Variants in ARMC9 observed in about 807,000 individuals in gnomAD.
The protein encoded by ARMC9 is armadillo repeat containing 9, also known as lisH domain-containing protein ARMC9.
ARMC9 carries 94 observed loss-of-function variants against 107.0 expected under a neutral mutation model. The ratio of observed to expected loss-of-function variants is 0.88; its 90% CI spans 0.74 to 1.04. The LOEUF (loss-of-function observed/expected upper bound fraction) is 1.04. Among genes scored for constraint, ARMC9 ranks in the 50% least tolerant of loss-of-function variants. The pLI is 0.00. For synonymous variants in ARMC9, 380 were observed against 396.9 expected (o/e 0.96, Z 0.51); for missense variants, 942 against 1,030.1 (o/e 0.91, Z 1.17).
intron 19 of ARMC9, among the ~76,000 whole-genome samples, chr2:231,307,470 C>G (rs142064797): frequency 7.0e-4 from 106 of 152,272 alleles, no homozygotes; most frequent in Non-Finnish European, 1.4e-3. Context: ...TTTTAATATT[C>G]CTAAGAGCTG....
In ARMC9 at chr2:231,271,104, G is replaced by A; in HGVS notation, c.1210+32G>A. The A allele has an allele frequency of 1.9e-6, 3 of 1,603,084 alleles. No individual in the cohort carries two copies. In the South Asian group the frequency reaches 3.3e-5, roughly 18 times the overall value. On this transcript the variant is annotated intron_variant, in intron 13 of 24. Transcript: ENST00000611582. ...CATCAGCTTTGCTTCAAAGATAAGAGCTAGGTCATATTGATGTGCTTTTTC... is the reference window on the plus strand; with the variant it reads ...CATCAGCTTTGCTTCAAAGATAAGAACTAGGTCATATTGATGTGCTTTTTC...
intron 8 of ARMC9, among the ~76,000 whole-genome samples, chr2:231,236,770 C>A (rs1412625810): frequency 1.3e-5 from 2 of 152,070 alleles, no homozygotes; most frequent in African/African-American, 4.8e-5. Context: ...ATGGCGAAAC[C>A]CCGTCTCTAC....
chr2:231,342,215 A>C (rs1486247170), intron 20 of ARMC9, among the ~76,000 whole-genome samples: 1 of 152,198 alleles, frequency 6.6e-6, no homozygotes, highest in Admixed American at 6.5e-5. Flanking sequence ...AAGCCGCTCC[A>C]CTGAGGGCCT....
chr2:231,304,767 G>C (rs2041953118), intron 19 of ARMC9, among the ~76,000 whole-genome samples: 1 of 152,142 alleles, frequency 6.6e-6, no homozygotes, highest in Admixed American at 6.5e-5. Context: ...CATCAGAAAA[G>C]CCTTTAGGTA....
intron 3 of ARMC9, among the ~76,000 whole-genome samples, chr2:231,209,986 A>G (rs2032589212): frequency 6.6e-6 from 1 of 152,210 alleles, no homozygotes; most frequent in East Asian, 1.9e-4. Context: ...ACCTGGCCTT[A>G]TTATTTTAAC....
At chr2:231,267,069 T>C (rs1226307858) in intron 12 of ARMC9, among the ~76,000 whole-genome samples, 1 of 152,232 alleles carries the variant, frequency 6.6e-6, no homozygotes, top group Non-Finnish European at 1.5e-5. Context: ...GAAGATGGCA[T>C]AAACCAAAGT....
Position 231,276,714 on chromosome 2 carries a change from G to C in ARMC9, c.1413G>C (p.Leu471=). 1 of 1,614,150 alleles carries C rather than the reference G, an allele frequency of 6.2e-7. No homozygotes were observed. Among genetic ancestry groups the C allele is most frequent in the Non-Finnish European group, 8.5e-7 (1 of 1,180,034 alleles). The change falls in exon 15 of 25, where the codon CTG becomes CTC. Residue 471 remains leucine, a synonymous_variant. Transcript: ENST00000611582. ...LVDVLKDPDC[L]SDYTLEYSVA... is the part of the protein sequence containing the mutation. ...ATGTTCTGAAGGACCCTGACTGCCTGTCTGACTACACGCTGGAGTACTCGG... is the reference window on the plus strand; with the variant it reads ...ATGTTCTGAAGGACCCTGACTGCCTCTCTGACTACACGCTGGAGTACTCGG...
intron 19 of ARMC9, among the ~76,000 whole-genome samples, chr2:231,305,566 C>A (rs1375540234): frequency 6.6e-6 from 1 of 152,232 alleles, no homozygotes; most frequent in Non-Finnish European, 1.5e-5. Context: ...GCTATTGTTT[C>A]ATTGGAAAGT....
At chr2:231,258,344 G>A (rs537729999) in intron 10 of ARMC9, among the ~76,000 whole-genome samples, 2 of 152,108 alleles carry the variant, frequency 1.3e-5, no homozygotes, top group South Asian at 2.1e-4. Flanking sequence ...ACTATGCCCG[G>A]CTAATTTTGT....
intron 9 of ARMC9, among the ~76,000 whole-genome samples, chr2:231,243,246 CAAAAAAA>C (rs993079189): frequency 1.8e-5 from 2 of 109,106 alleles, no homozygotes; most frequent in Non-Finnish European, 4.0e-5. Flanking sequence ...GACTCCGTCT[CAAAAAAA>C]AAAAAAAAAA....
chr2:231,295,940 T>G (rs1048293897), intron 18 of ARMC9: 4 of 326,168 alleles, frequency 1.2e-5, no homozygotes, highest in Non-Finnish European at 2.2e-5. Flanking sequence ...CCCCTAAAAT[T>G]ATATGCTGGC....
At position 231,358,426 on chromosome 2, in the gene ARMC9, C is replaced by T. The variant is rs2045429134; in HGVS notation, c.2132-2328C>T. Among the ~76,000 whole-genome samples the T allele has an allele frequency of 6.6e-6, 1 of 151,978 alleles. No individual in the cohort carries two copies. The highest frequency in any genetic ancestry group is 2.1e-4 in the South Asian group (1 of 4,820). On this transcript the variant is annotated intron_variant, in intron 22 of 24. Coordinates refer to ENST00000611582, the MANE Select transcript of ARMC9 (RefSeq NM_001352754.2). The surrounding 1 kb of genome is among the most constrained non-coding windows in gnomAD (Gnocchi z 4.5). ...TGTGCTGCCCAGGCTGGTCTTGAAC[C>T]CTTGGGCTCAAGCGATCCTCCCGCC...
Position 231,373,709 on chromosome 2 carries a change from C to T in ARMC9, c.*2174C>T, listed in dbSNP as rs1423204595. On this transcript the variant is annotated 3_prime_UTR_variant, in exon 25 of 25. Coordinates refer to ENST00000611582, the MANE Select transcript of ARMC9 (RefSeq NM_001352754.2). The surrounding 1 kb of genome is among the most constrained non-coding windows in gnomAD (Gnocchi z 4.4). Reference sequence around the variant, plus strand: ...AGGCCTCCAGGAGTTCGAGACCAGCCTGGCCAACATGGCGAAACCCCGTCT... The same window carrying T: ...AGGCCTCCAGGAGTTCGAGACCAGCTTGGCCAACATGGCGAAACCCCGTCT... 3 of 152,122 alleles carry T rather than the reference C, an allele frequency of 2.0e-5. No individual in the cohort carries two copies. Among genetic ancestry groups the T allele is most frequent in the African/African-American group, 7.2e-5 (3 of 41,422 alleles). 9.4% of individuals were successfully genotyped at this position (152,122 alleles called of 1,614,324 possible).
chr2:231,296,172 T>C, intron 18 of ARMC9, 26 bp from the exon 19 acceptor site: 1 of 1,583,992 alleles, frequency 6.3e-7, no homozygotes. Context: ...TTATCCATTA[T>C]TCATTGATTC....
chr2:231,229,745 A>C (rs1390643601), intron 7 of ARMC9, among the ~76,000 whole-genome samples: 1 of 152,224 alleles, frequency 6.6e-6, no homozygotes, highest in Non-Finnish European at 1.5e-5. Flanking sequence ...CTGAATACAA[A>C]CAGGAAAGAG....
At chr2:231,353,196 C>CT (rs947333223) in intron 21 of ARMC9, among the ~76,000 whole-genome samples, 11 of 130,364 alleles carry the variant, frequency 8.4e-5, no homozygotes, top group East Asian at 1.9e-4. Flanking sequence ...AGTGACAATT[C>CT]TTTTTTTTTG....
At chr2:231,368,546 AC>A (rs1472106102) in intron 23 of ARMC9, among the ~76,000 whole-genome samples, 1 of 152,246 alleles carries the variant, frequency 6.6e-6, no homozygotes, top group African/African-American at 2.4e-5. Context: ...CTGTAACTGT[AC>A]CCACAAGTAA....
chr2:231,295,212 G>T (rs2041274765), intron 18 of ARMC9: 1 of 152,206 alleles, frequency 6.6e-6, no homozygotes, highest in South Asian at 2.1e-4. Context: ...GTGATAATAA[G>T]AAAGATGTAG....
chr2:231,270,250 G>A (rs914707332), intron 12 of ARMC9, among the ~76,000 whole-genome samples: 21 of 152,092 alleles, frequency 1.4e-4, no homozygotes, highest in African/African-American at 4.8e-4. Context: ...CTAGAACCCC[G>A]GCAAGCCTTG....
Sources: gnomAD v4.1 joint callset for allele counts (sites outside exome capture counted in the v4.1 genomes callset) on GRCh38, gnomAD v4.1.1 for gene constraint, Gnocchi (gnomAD v3.1) non-coding constraint, MANE v1.5 for transcripts, NCBI Gene and HGNC (gene_info 2026-07-23, HGNC 2026-07-21) for gene names.